The following SAMD5 variants were observed in gnomAD, a reference collection of about 807,000 sequenced individuals.
SAMD5 encodes the protein sterile alpha motif domain containing 5.
SAMD5 carries 13 observed loss-of-function variants against 11.3 expected under a neutral mutation model. The observed-to-expected ratio is 1.15, with a 90% CI of 0.75 to 1.83. The LOEUF (loss-of-function observed/expected upper bound fraction) is 1.83. SAMD5 is among the 40% of genes most tolerant of loss of function. The pLI, the probability that SAMD5 is intolerant of heterozygous loss-of-function variation, is 0.00. For synonymous variants in SAMD5, 129 were observed against 111.3 expected, an observed-to-expected ratio of 1.16 and a Z score of -1.00; for missense variants, 255 against 239.1, an observed-to-expected ratio of 1.07 and a Z score of -0.44.
At chr6:147,679,600 G>A (rs114336435) in intron 1 of SAMD5, among the ~76,000 whole-genome samples, 1,561 of 152,018 alleles carry the variant, frequency 0.01, 21 homozygotes, top group African/African-American at 0.036. Flanking sequence ...CCCAGTCTGT[G>A]GCTTATTTTT....
chr6:147,836,725 T>C, the SAMD5 span, among the ~76,000 whole-genome samples: 1 of 152,222 alleles, frequency 6.6e-6, no homozygotes, highest in African/African-American at 2.4e-5. Context: ...ACCTGCATTT[T>C]AAAACACGTC....
At chr6:147,571,164 G>T (rs777571882), downstream of SAMD5, among the ~76,000 whole-genome samples, 4 of 152,104 alleles carry the variant, frequency 2.6e-5, no homozygotes, top group Non-Finnish European at 5.9e-5. Context: ...TATGCTTCAG[G>T]TCCTCCTTGA....
chr6:147,838,097 C>T, the SAMD5 span, among the ~76,000 whole-genome samples: 1 of 152,078 alleles, frequency 6.6e-6, no homozygotes, highest in Non-Finnish European at 1.5e-5. Flanking sequence ...GCTGGTTTTA[C>T]TCAAGAGACT....
intron 1 of SAMD5, among the ~76,000 whole-genome samples, chr6:147,589,332 A>G (rs966891522): frequency 2.6e-5 from 4 of 152,188 alleles, no homozygotes; most frequent in African/African-American, 9.6e-5. Flanking sequence ...TAGTCCATCT[A>G]TAGGGACTTT....
the SAMD5 span, among the ~76,000 whole-genome samples, chr6:147,786,350 G>A: frequency 5.3e-5 from 8 of 152,262 alleles, no homozygotes; most frequent in Admixed American, 5.2e-4. Flanking sequence ...TTGGAAGCTT[G>A]TTTTATAGTG....
intron 1 of SAMD5, among the ~76,000 whole-genome samples, chr6:147,512,457 T>C (rs1002447679): frequency 1.3e-5 from 2 of 152,216 alleles, no homozygotes; most frequent in Non-Finnish European, 2.9e-5. Context: ...TTGAGGGGTC[T>C]TCCCAAGAAT....
At chr6:147,941,230 G>T in the SAMD5 span, among the ~76,000 whole-genome samples, 1 of 152,182 alleles carries the variant, frequency 6.6e-6, no homozygotes, top group African/African-American at 2.4e-5. Flanking sequence ...CGCCATCAGG[G>T]AGTGTAGGTC....
At position 147,509,151 on chromosome 6, in the gene SAMD5, A is replaced by C; in HGVS notation, c.223A>C (p.Thr75Pro). Reference protein sequence around the residue: ...QDANAAGLYFTLEPQPAPPGP... With the variant: ...QDANAAGLYFPLEPQPAPPGP... ...CGCCAACGCCGCCGGCCTCTACTTCACGCTTGAGCCGCAGCCGGCGCCCCC... is the reference window on the plus strand; with the variant it reads ...CGCCAACGCCGCCGGCCTCTACTTCCCGCTTGAGCCGCAGCCGGCGCCCCC... Residue 75 changes from threonine (T) to proline (P), a missense_variant, in exon 1 of 2, where the codon ACG becomes CCG. By Grantham distance (38) the Thr-to-Pro change is conservative. Coordinates refer to ENST00000367474, the MANE Select transcript of SAMD5 (RefSeq NM_001030060.3). The C allele has an allele frequency of 7.0e-7, 1 of 1,431,214 alleles. No homozygotes were observed. Among genetic ancestry groups the C allele is most frequent in the Non-Finnish European group, 9.2e-7 (1 of 1,090,658 alleles). 88.7% of individuals were successfully genotyped at this position (1,431,214 alleles called of 1,614,324 possible).
chr6:147,598,610 A>T (rs1395661162), intron 1 of SAMD5, among the ~76,000 whole-genome samples: 3 of 152,200 alleles, frequency 2.0e-5, no homozygotes, highest in Non-Finnish European at 4.4e-5. Flanking sequence ...GGTAGCCATG[A>T]GAAATTGCAC....
the SAMD5 span, among the ~76,000 whole-genome samples, chr6:147,828,750 ATTAG>A: frequency 1.3e-5 from 2 of 152,182 alleles, no homozygotes; most frequent in Admixed American, 1.3e-4. Flanking sequence ...CGTCTGTCCT[ATTAG>A]TTCTGTCCCT....
At chr6:147,532,478 A>G (rs1788444817) in intron 1 of SAMD5, among the ~76,000 whole-genome samples, 1 of 152,194 alleles carries the variant, frequency 6.6e-6, no homozygotes, top group Non-Finnish European at 1.5e-5. Context: ...TATTTCATTC[A>G]TCTTTATGGC....
chr6:147,913,861 G>C, the SAMD5 span, among the ~76,000 whole-genome samples: 1 of 152,226 alleles, frequency 6.6e-6, no homozygotes, highest in South Asian at 2.1e-4. Context: ...GTATGTATGT[G>C]TAAGCAAGTG....
At chr6:147,649,647 C>T (rs1426137931) in intron 1 of SAMD5, among the ~76,000 whole-genome samples, 2 of 152,118 alleles carry the variant, frequency 1.3e-5, no homozygotes, top group African/African-American at 2.4e-5. Flanking sequence ...AAAAATTAGC[C>T]AGGCATGATG....
intron 1 of SAMD5, among the ~76,000 whole-genome samples, chr6:147,584,550 A>T (rs1040943979): frequency 6.6e-6 from 1 of 151,966 alleles, no homozygotes; most frequent in Non-Finnish European, 1.5e-5. Flanking sequence ...CCTCACCACC[A>T]TTGCCTTGGC....
At chr6:147,890,393 C>G in the SAMD5 span, among the ~76,000 whole-genome samples, 3 of 145,910 alleles carry the variant, frequency 2.1e-5, no homozygotes, top group Non-Finnish European at 4.5e-5. Flanking sequence ...GCATCTTGCT[C>G]TGTTGCCCAG....
At chr6:147,583,157 T>C (rs772140235) in intron 1 of SAMD5, among the ~76,000 whole-genome samples, 1 of 152,254 alleles carries the variant, frequency 6.6e-6, no homozygotes, top group Non-Finnish European at 1.5e-5. Flanking sequence ...TGAATATCTC[T>C]CTAACATGAA....
chr6:147,653,886 T>G (rs1790528620), intron 1 of SAMD5, among the ~76,000 whole-genome samples: 1 of 152,200 alleles, frequency 6.6e-6, no homozygotes, highest in Admixed American at 6.5e-5. Flanking sequence ...TTGTGAGCTC[T>G]AAGATATTCC....
the SAMD5 span, among the ~76,000 whole-genome samples, chr6:147,829,975 C>G: frequency 1.3e-5 from 2 of 151,976 alleles, no homozygotes; most frequent in African/African-American, 2.4e-5. Flanking sequence ...AATGGGACAC[C>G]ATTGAAGGCT....
In SAMD5 at chr6:147,517,742, A is replaced by T. The variant is rs371918125; in HGVS notation, c.459+8355A>T. Among the ~76,000 whole-genome samples, 61 of 152,304 alleles carry T rather than the reference A, an allele frequency of 4.0e-4. 1 individual carries two copies. The South Asian group carries it at 0.012, about 31-fold the overall frequency. On this transcript the variant is annotated intron_variant, in intron 1 of 1. Transcript: ENST00000367474. ...GTATCTTCAGTGGTGGCAAGCCTTCATTCTTATCAGATAGATCTGGTTTGG... is the reference window on the plus strand; with the variant it reads ...GTATCTTCAGTGGTGGCAAGCCTTCTTTCTTATCAGATAGATCTGGTTTGG...
Sources: gnomAD v4.1 joint callset for allele counts (sites outside exome capture counted in the v4.1 genomes callset) on GRCh38, gnomAD v4.1.1 for gene constraint, MANE v1.5 for transcripts, NCBI Gene and HGNC (gene_info 2026-07-23, HGNC 2026-07-21) for gene names.